STAT4: variants seen among roughly 807,000 people sequenced by gnomAD.
STAT4 encodes the protein signal transducer and activator of transcription 4.
In STAT4, 42 loss-of-function variants were observed where a neutral mutation model predicts 110.5. The observed-to-expected ratio is 0.38, with a 90% CI of 0.30 to 0.49. STAT4 has a LOEUF of 0.49. Ranked by LOEUF, STAT4 falls within the 20% of genes least tolerant of loss-of-function variation. The probability of loss-of-function intolerance (pLI) is 0.95; values close to 1 mark genes in which losing one functional copy is unlikely to be tolerated. For synonymous variants in STAT4, 284 were observed against 302.2 expected, an observed-to-expected ratio of 0.94 and a Z score of 0.63; for missense variants, 632 against 887.9, an observed-to-expected ratio of 0.71 and a Z score of 3.66.
At chr2:191,148,337 AG>A in intron 1 of STAT4, 133 bp from the exon 2 acceptor site, 2 of 1,197,676 alleles carry the variant, frequency 1.7e-6, no homozygotes, top group Non-Finnish European at 2.3e-6. Context: ...AATTTCACTA[AG>A]GTTTTTTTTC....
chr2:191,081,160 A>C (rs1187836009), intron 3 of STAT4, among the ~76,000 whole-genome samples: 2 of 152,202 alleles, frequency 1.3e-5, no homozygotes. Context: ...GTCCCTGCAA[A>C]GGACATGAAC....
rs1183202553 is a variant in STAT4, at chr2:191,144,124, G to T, written c.273+2489C>A. Among the ~76,000 whole-genome samples, 1 of 151,964 alleles carries T rather than the reference G, an allele frequency of 6.6e-6. No individual in the cohort carries two copies. Among genetic ancestry groups the T allele is most frequent in the African/African-American group, 2.4e-5 (1 of 41,326 alleles). On this transcript the variant is annotated intron_variant, in intron 3 of 23. Transcript: ENST00000392320. This position sits in a 1 kb window ranked among gnomAD's most constrained non-coding sequence, Gnocchi z 4.7. ...CTAGTGTGCACTAGAACCATATTGA[G>T]TACTGAGGGTGAGGGAGGGGGGTCA...
intron 3 of STAT4, among the ~76,000 whole-genome samples, chr2:191,084,381 T>C (rs2125292235): frequency 6.6e-6 from 1 of 152,330 alleles, no homozygotes; most frequent in Middle Eastern, 3.4e-3. Context: ...TTCTTTGATC[T>C]GGGCTCTGCA....
intron 16 of STAT4, among the ~76,000 whole-genome samples, chr2:191,036,897 G>A (rs1041677993): frequency 1.1e-4 from 16 of 152,180 alleles, no homozygotes; most frequent in Admixed American, 9.2e-4. Flanking sequence ...GCCAACCTAA[G>A]TAAACATAAA....
chr2:191,096,405 A>G (rs1369496831), intron 3 of STAT4, among the ~76,000 whole-genome samples: 2 of 152,210 alleles, frequency 1.3e-5, no homozygotes, highest in African/African-American at 2.4e-5. Context: ...GCAGCACATC[A>G]AAAAGCTTAT....
rs3024933 is a variant in STAT4 at position 191,033,592 on chromosome 2, G to T, written c.1750C>A (p.Arg584=). The T allele has an allele frequency of 6.2e-7, 1 of 1,613,758 alleles. No individual in the cohort carries two copies. The highest frequency in any genetic ancestry group is 8.5e-7 in the Non-Finnish European group (1 of 1,179,920). Reference sequence around the variant, plus strand: ...GGCATTTTATCCTTTAGCAACAGCCGTTCCTTCTCTTTGCTAACAAAGCCC... The same window carrying T: ...GGCATTTTATCCTTTAGCAACAGCCTTTCCTTCTCTTTGCTAACAAAGCCC... ...VMGFVSKEKE[R]LLLKDKMPGT... The change falls in exon 20 of 24, where the codon CGG becomes AGG. Residue 584 remains arginine (R), a synonymous_variant. Transcript: ENST00000392320. The surrounding 1 kb of genome is among the most constrained non-coding windows in gnomAD (Gnocchi z 6.9).
intron 3 of STAT4, among the ~76,000 whole-genome samples, chr2:191,109,028 A>G (rs1698355323): frequency 6.6e-6 from 1 of 152,208 alleles, no homozygotes; most frequent in Non-Finnish European, 1.5e-5. Flanking sequence ...TTTCCTATTT[A>G]TCAAAGGCAC....
chr2:191,069,426 C>G (rs1014552413), intron 6 of STAT4, among the ~76,000 whole-genome samples: 16 of 151,852 alleles, frequency 1.1e-4, no homozygotes, highest in Non-Finnish European at 1.9e-4. Flanking sequence ...GGGGTAATTC[C>G]TCATGCAGTT....
At chr2:191,088,236 TTAAGA>T (rs1697693445) in intron 3 of STAT4, among the ~76,000 whole-genome samples, 3 of 152,080 alleles carry the variant, frequency 2.0e-5, no homozygotes, top group Non-Finnish European at 4.4e-5. Flanking sequence ...GACTGTAACA[TTAAGA>T]CACAAAAGTC....
chr2:191,123,085 T>C (rs1698782549), intron 3 of STAT4, among the ~76,000 whole-genome samples: 1 of 152,230 alleles, frequency 6.6e-6, no homozygotes, highest in Admixed American at 6.5e-5. Context: ...TCTACACCTC[T>C]TTCAGTTTGA....
In STAT4 at chr2:191,083,731, T is replaced by C. The variant is rs919369555; in HGVS notation, c.274-7406A>G. Reference sequence around the variant, plus strand: ...TCCCTTTGCATCACAAATACTGCTGTTGAGTCATTTTTATCTTTATTCCTC... The same window carrying C: ...TCCCTTTGCATCACAAATACTGCTGCTGAGTCATTTTTATCTTTATTCCTC... On this transcript the variant is annotated intron_variant, in intron 3 of 23. Transcript: ENST00000392320. This position sits in a 1 kb window ranked among gnomAD's most constrained non-coding sequence, Gnocchi z 4.6. Among the ~76,000 whole-genome samples, 1 of 152,192 alleles carries C rather than the reference T, an allele frequency of 6.6e-6. No homozygotes were observed. Among genetic ancestry groups the C allele is most frequent in the African/African-American group, 2.4e-5 (1 of 41,456 alleles).
chr2:191,136,081 T>C (rs1699176169), intron 3 of STAT4, among the ~76,000 whole-genome samples: 1 of 148,792 alleles, frequency 6.7e-6, no homozygotes, highest in Non-Finnish European at 1.5e-5. Context: ...GCAAGGATGG[T>C]TCAACATATG....
chr2:191,042,150 T>C lies in STAT4; in HGVS notation c.1252-1002A>G, dbSNP rs1696220190. On this transcript the variant is annotated intron_variant, in intron 14 of 23. Transcript: ENST00000392320. The surrounding 1 kb of genome is among the most constrained non-coding windows in gnomAD (Gnocchi z 4.2). ...ACACCCCTTTGAAACAGCCAGATTC[T>C]AATAATCACCCTAAGTCTACAGTTC... 6.6e-6 allele frequency among the ~76,000 whole-genome samples: 1 copy of C among 152,178 alleles called. No homozygotes were observed. The highest frequency in any genetic ancestry group is 2.1e-4 in the South Asian group (1 of 4,830).
rs532280368 is a variant in STAT4 at position 191,142,216 on chromosome 2, G to C, written c.273+4397C>G. 1.3e-5 allele frequency among the ~76,000 whole-genome samples: 2 copies of C among 151,528 alleles called. No individual in the cohort carries two copies. The highest frequency in any genetic ancestry group is 4.2e-4 in the South Asian group (2 of 4,808). On this transcript the variant is annotated intron_variant, in intron 3 of 23. Transcript: ENST00000392320. The surrounding 1 kb of genome is among the most constrained non-coding windows in gnomAD (Gnocchi z 4.1). ...ATGGATAAAGAAAATAAAGAAAATA[G>C]ATATATATATATACACACACACACA...
At chr2:191,121,792 G>A (rs538654517) in intron 3 of STAT4, among the ~76,000 whole-genome samples, 150 of 134,524 alleles carry the variant, frequency 1.1e-3, no homozygotes, top group African/African-American at 3.9e-3. Context: ...GAAGGGGGAG[G>A]GGGGAGGGAA....
rs1698222933 is a variant in STAT4 at position 191,104,458 on chromosome 2, A to C, written c.274-28133T>G. Among the ~76,000 whole-genome samples the C allele has an allele frequency of 2.0e-5, 3 of 152,292 alleles. No individual in the cohort carries two copies. The highest frequency in any genetic ancestry group is 2.0e-4 in the Admixed American group (3 of 15,286). On this transcript the variant is annotated intron_variant, in intron 3 of 23. Coordinates refer to ENST00000392320, the MANE Select transcript of STAT4 (RefSeq NM_003151.4). The surrounding 1 kb of genome is among the most constrained non-coding windows in gnomAD (Gnocchi z 4.3). Reference sequence around the variant, plus strand: ...TTTTGTTCAATTACCAAAAATATTAAATTCACAATAGGCATATGTGAAGAA... The same window carrying C: ...TTTTGTTCAATTACCAAAAATATTACATTCACAATAGGCATATGTGAAGAA...
rs1698312692 is a variant in STAT4 at position 191,107,466 on chromosome 2, A to C, written c.274-31141T>G. 6.6e-6 allele frequency among the ~76,000 whole-genome samples: 1 copy of C among 152,238 alleles called. No individual in the cohort carries two copies. The highest frequency in any genetic ancestry group is 1.5e-5 in the Non-Finnish European group (1 of 68,040). ...CTATAGTAATGGGCATAATACTATTACTATCCCCATTTTACACAGAAGATA... is the reference window on the plus strand; with the variant it reads ...CTATAGTAATGGGCATAATACTATTCCTATCCCCATTTTACACAGAAGATA... On this transcript the variant is annotated intron_variant, in intron 3 of 23. Coordinates refer to ENST00000392320, the MANE Select transcript of STAT4 (RefSeq NM_003151.4). The surrounding 1 kb of genome is among the most constrained non-coding windows in gnomAD (Gnocchi z 4.2).
At chr2:191,123,855 A>C (rs1405397997) in intron 3 of STAT4, among the ~76,000 whole-genome samples, 4 of 152,182 alleles carry the variant, frequency 2.6e-5, no homozygotes, top group Non-Finnish European at 5.9e-5. Context: ...GAAAAGATCA[A>C]AATTCAAAAT....
intron 4 of STAT4, among the ~76,000 whole-genome samples, chr2:191,075,344 C>A (rs1559055426): frequency 6.6e-6 from 1 of 152,088 alleles, no homozygotes; most frequent in Admixed American, 6.6e-5. Flanking sequence ...TTAGTGGGAA[C>A]TCTGAATTCA....
Sources: allele counts gnomAD v4.1 joint callset (sites outside exome capture counted in the v4.1 genomes callset), GRCh38; gene constraint gnomAD v4.1.1; non-coding constraint Gnocchi (gnomAD v3.1); transcripts MANE v1.5; gene names NCBI Gene and HGNC (gene_info 2026-07-23, HGNC 2026-07-21).